Variants in CCN6 observed in about 807,000 individuals in gnomAD.
The protein encoded by CCN6 is cellular communication network factor 6.
A neutral mutation model predicts 37.4 loss-of-function variants in CCN6; 31 were observed. The observed-to-expected ratio is 0.83, with a 90% CI of 0.62 to 1.12. The LOEUF is 1.12. CCN6 is among the 50% of genes most tolerant of loss of function. The probability of loss-of-function intolerance (pLI) is 0.00; values close to 1 mark genes in which losing one functional copy is unlikely to be tolerated. For missense variants in CCN6, 369 were observed against 413.8 expected (o/e 0.89, Z 0.94); for synonymous variants, 137 against 142.1 (o/e 0.96, Z 0.26).
upstream of CCN6, among the ~76,000 whole-genome samples, chr6:112,053,352 A>C (rs1776258669): frequency 6.6e-6 from 1 of 150,954 alleles, no homozygotes; most frequent in South Asian, 2.1e-4. Context: ...GCTGGAGTGC[A>C]ATGGTGCGAT....
At chr6:112,067,290 A>C (rs1776726857) in intron 3 of CCN6, among the ~76,000 whole-genome samples, 1 of 152,128 alleles carries the variant, frequency 6.6e-6, no homozygotes, top group South Asian at 2.1e-4. Context: ...CCATTTCAAG[A>C]TGCACATTAA....
At chr6:112,056,798 AT>A (rs1453661036) in intron 1 of CCN6, among the ~76,000 whole-genome samples, 1 of 151,892 alleles carries the variant, frequency 6.6e-6, no homozygotes, top group African/African-American at 2.4e-5. Context: ...ATTACAGGCT[AT>A]TTCAGCTTCA....
chr6:112,061,847 G>T (rs1173592383), intron 2 of CCN6, among the ~76,000 whole-genome samples: 2 of 152,134 alleles, frequency 1.3e-5, no homozygotes, highest in Non-Finnish European at 2.9e-5. Context: ...GACTGATTCA[G>T]ACCATCTAAA....
rs781966767 is a variant in CCN6, at chr6:112,068,412, A to G, written c.783+14A>G. 12 of 1,590,728 alleles carry G rather than the reference A, an allele frequency of 7.5e-6. No individual in the cohort carries two copies. In the East Asian group the frequency reaches 2.1e-4, roughly 28 times the overall value. ...AAGACAATAAAGGTAAAGTTTAAAT[A>G]TATTTAACTTAATTCAATATTAAGA... On this transcript the variant is annotated intron_variant, in intron 4 of 4. Coordinates refer to ENST00000368666, the MANE Select transcript of CCN6 (RefSeq NM_198239.2).
At chr6:112,056,171 G>A (rs1329882583) in intron 1 of CCN6, among the ~76,000 whole-genome samples, 2 of 152,088 alleles carry the variant, frequency 1.3e-5, no homozygotes, top group African/African-American at 2.4e-5. Flanking sequence ...CTATGTCCAG[G>A]CCTCTTCATT....
At chr6:112,061,457 T>A in intron 2 of CCN6, 169 bp downstream of exon 2, 1 of 803,210 alleles carries the variant, frequency 1.2e-6, no homozygotes, top group Non-Finnish European at 2.1e-6. Flanking sequence ...TATGTGAAAT[T>A]AGCAGATGCT....
intron 1 of CCN6, chr6:112,054,857 G>A (rs1341379349): frequency 4.9e-6 from 1 of 202,932 alleles, no homozygotes; most frequent in African/African-American, 2.3e-5. Context: ...TCTTTGAAAG[G>A]GGCACTTTGG....
At chr6:112,065,575 CAA>C (rs1165937313) in intron 3 of CCN6, among the ~76,000 whole-genome samples, 1 of 137,576 alleles carries the variant, frequency 7.3e-6, no homozygotes, top group African/African-American at 2.7e-5. Flanking sequence ...CACACACACA[CAA>C]ACACACACAC....
In CCN6 at chr6:112,061,035, T is replaced by A. The variant is rs587722296; in HGVS notation, c.93T>A (p.Pro31=). 6.2e-7 allele frequency: 1 copy of A among 1,614,140 alleles called. No individual in the cohort carries two copies. Among genetic ancestry groups the A allele is most frequent in the African/African-American group, 1.3e-5 (1 of 75,032 alleles). ...VQGTGPLDTT[P]EGRPGEVSDA... ...GCACTGGACCATTAGATACAACACC[T>A]GAAGGAAGGCCTGGAGAAGTGTCAG... The change falls in exon 2 of 5, where the codon CCT becomes CCA. Residue 31 remains proline, a synonymous_variant. Coordinates refer to ENST00000368666, the MANE Select transcript of CCN6 (RefSeq NM_198239.2).
upstream of CCN6, among the ~76,000 whole-genome samples, chr6:112,053,863 G>A (rs1453722358): frequency 1.5e-5 from 2 of 133,702 alleles, no homozygotes. Flanking sequence ...GGGTGCTGTT[G>A]GTGGGGGGGC....
At chr6:112,066,985 T>TA in intron 3 of CCN6, 1 of 1,366,394 alleles carries the variant, frequency 7.3e-7, no homozygotes, top group Non-Finnish European at 9.8e-7. Flanking sequence ...GCCAAGCTTC[T>TA]AATCTGCTTC....
At chr6:112,065,219 A>G (rs2114458327) in intron 3 of CCN6, among the ~76,000 whole-genome samples, 1 of 152,298 alleles carries the variant, frequency 6.6e-6, no homozygotes, top group South Asian at 2.1e-4. Context: ...ATTTAAAAAC[A>G]TTTTTAAAAG....
chr6:112,061,214 T>C lies in CCN6; in HGVS notation c.272T>C (p.Leu91Pro). The change falls in exon 2 of 5, where the codon CTC becomes CCC. Residue 91 changes from leucine (L) to proline (P), a missense_variant. Transcript: ENST00000368666. ...QPGEICNEAD[L>P]CDPHKGLYCD... is the part of the protein sequence containing the mutation. ...GGGGAAATCTGCAATGAAGCTGACCTCTGTGACCCACACAAAGGGCTGTAT... is the reference window on the plus strand; with the variant it reads ...GGGGAAATCTGCAATGAAGCTGACCCCTGTGACCCACACAAAGGGCTGTAT... 6.2e-7 allele frequency: 1 copy of C among 1,614,190 alleles called. No individual in the cohort carries two copies. The highest frequency in any genetic ancestry group is 2.2e-5 in the East Asian group (1 of 44,890).
chr6:112,060,867 G>A (rs1776493104), intron 1 of CCN6, 124 bp from the exon 2 acceptor site: 1 of 1,105,222 alleles, frequency 9.0e-7, no homozygotes, highest in Non-Finnish European at 1.3e-6. Flanking sequence ...AATGCTGATA[G>A]GTGTTATTAT....
At chr6:112,058,068 A>C (rs972850648) in intron 1 of CCN6, among the ~76,000 whole-genome samples, 1 of 152,104 alleles carries the variant, frequency 6.6e-6, no homozygotes, top group African/African-American at 2.4e-5. Flanking sequence ...ATGGAGGCAA[A>C]ATTTTTTTAA....
chr6:112,067,171 G>A (rs964425550), intron 3 of CCN6: 3 of 560,822 alleles, frequency 5.3e-6, no homozygotes, highest in Non-Finnish European at 7.4e-6. Flanking sequence ...CTATGAAGAA[G>A]GCTTTTTTTT....
chr6:112,068,918 C>CT (rs1776783454), intron 4 of CCN6, among the ~76,000 whole-genome samples: 1 of 152,072 alleles, frequency 6.6e-6, no homozygotes, highest in Middle Eastern at 3.2e-3. Context: ...AAGTTATTCT[C>CT]TATCATATTA....
chr6:112,063,489 T>C (rs186780718), intron 2 of CCN6, among the ~76,000 whole-genome samples: 122 of 152,332 alleles, frequency 8.0e-4, no homozygotes, highest in African/African-American at 2.8e-3. Context: ...GTTGTAGAGA[T>C]GTTCAAAATA....
chr6:112,067,255 A>C (rs1315549486), intron 3 of CCN6, among the ~76,000 whole-genome samples: 1 of 152,108 alleles, frequency 6.6e-6, no homozygotes, highest in Non-Finnish European at 1.5e-5. Context: ...TGCAGACTCA[A>C]ATCACAACCA....
Sources: allele counts gnomAD v4.1 joint callset (sites outside exome capture counted in the v4.1 genomes callset), GRCh38; gene constraint gnomAD v4.1.1; transcripts MANE v1.5; gene names NCBI Gene and HGNC (gene_info 2026-07-23, HGNC 2026-07-21).